Variants in COL4A6 observed in about 807,000 individuals in gnomAD.
The protein encoded by COL4A6 is collagen type IV alpha 6 chain, also known as collagen alpha-6(IV) chain.
COL4A6 carries 59 observed loss-of-function variants against 126.7 expected under a neutral mutation model. The observed-to-expected ratio is 0.47, with a 90% CI of 0.38 to 0.58. The LOEUF (loss-of-function observed/expected upper bound fraction) is 0.58. Among genes scored for constraint, COL4A6 ranks in the 20% least tolerant of loss-of-function variants. The pLI is 0.00. For synonymous variants in COL4A6, 547 were observed against 496.6 expected, an observed-to-expected ratio of 1.10 and a Z score of -1.35; for missense variants, 1,285 against 1,337.3, an observed-to-expected ratio of 0.96 and a Z score of 0.61.
chrX:108,243,085 G>T (rs986317482), intron 3 of COL4A6, among the ~76,000 whole-genome samples: 3 of 111,529 alleles, frequency 2.7e-5, no homozygotes, highest in African/African-American at 9.8e-5. Flanking sequence ...GAGGCTCAAG[G>T]TTCTGCTTTT....
At chrX:108,218,339 A>G (rs1253221654) in intron 5 of COL4A6, among the ~76,000 whole-genome samples, 3 of 112,548 alleles carry the variant, frequency 2.7e-5, no homozygotes, top group Non-Finnish European at 5.6e-5. Flanking sequence ...GGGGCATAGG[A>G]ACACAGCCAT....
intron 2 of COL4A6, among the ~76,000 whole-genome samples, chrX:108,400,055 C>T (rs1000286364): frequency 6.3e-5 from 7 of 111,311 alleles, no homozygotes; most frequent in African/African-American, 1.6e-4. Flanking sequence ...TTTTCTTTTC[C>T]GAAGGCCAGT....
chrX:108,281,041 C>A (rs1387341752), intron 3 of COL4A6, among the ~76,000 whole-genome samples: 3 of 103,538 alleles, frequency 2.9e-5, no homozygotes, highest in African/African-American at 7.1e-5. Context: ...CAATATCATA[C>A]TGAATGGGCA....
At position 108,178,559 on chromosome X, in the gene COL4A6, A is replaced by C. The variant is rs2034572187; in HGVS notation, c.2515+125T>G. ...CTTGAGATTTGAAACTTGAGAGCTTAGGAAAGTCAAGTCTCATTCTAAATT... is the reference window on the plus strand; with the variant it reads ...CTTGAGATTTGAAACTTGAGAGCTTCGGAAAGTCAAGTCTCATTCTAAATT... On this transcript the variant is annotated intron_variant, in intron 27 of 44. Coordinates refer to ENST00000334504, the MANE Select transcript of COL4A6 (RefSeq NM_033641.4). The C allele has an allele frequency of 5.9e-6, 4 of 673,827 alleles. No individual in the cohort carries two copies. The Admixed American group carries it at 1.5e-4, about 24-fold the overall frequency. The allele number at this position is 673,827 out of a possible 1,213,427, so 55.5% of individuals were successfully genotyped here. A position where few individuals can be genotyped will look rare whatever the true frequency, so the allele number is the denominator to read the frequency against.
At chrX:108,404,210 C>A (rs940736260) in intron 2 of COL4A6, among the ~76,000 whole-genome samples, 1 of 111,943 alleles carries the variant, frequency 8.9e-6, no homozygotes, top group African/African-American at 3.2e-5. Flanking sequence ...CAGACTAAGA[C>A]ATATTATTTT....
At chrX:108,277,558 G>A (rs1389372081) in intron 3 of COL4A6, among the ~76,000 whole-genome samples, 1 of 112,437 alleles carries the variant, frequency 8.9e-6, no homozygotes, top group Non-Finnish European at 1.9e-5. Context: ...ACCTCTGGGG[G>A]CAGGGCACAA....
chrX:108,371,319 A>T (rs2040318888), intron 2 of COL4A6, among the ~76,000 whole-genome samples: 1 of 110,490 alleles, frequency 9.1e-6, no homozygotes, highest in Non-Finnish European at 1.9e-5. Flanking sequence ...AGAAAATTCA[A>T]ACTGTACAAA....
rs199500867 is a variant in COL4A6, at chrX:108,169,524, G to A, written c.3662C>T (p.Pro1221Leu). 1.5e-5 allele frequency: 18 copies of A among 1,209,914 alleles called. No individual in the cohort carries two copies. In the African/African-American group the frequency reaches 2.3e-4, roughly 15 times the overall value. ...ATCACCTTTTTGCCCTCTCAGGCCC[G>A]GCTTCCCTGGAGCTCCGATGCCAAT... ...PGIGIGAPGK[P>L]GLRGQKGDRG... The change falls in exon 37 of 45, where the codon CCG becomes CTG. Residue 1221 changes from proline to leucine, a missense_variant. Coordinates refer to ENST00000334504, the MANE Select transcript of COL4A6 (RefSeq NM_033641.4).
chrX:108,351,943 A>G (rs1325725579), intron 2 of COL4A6, among the ~76,000 whole-genome samples: 1 of 112,212 alleles, frequency 8.9e-6, no homozygotes, highest in African/African-American at 3.2e-5. Context: ...CATTTCTGCC[A>G]GGGAACATAC....
chrX:108,308,358 C>T (rs914193273), intron 3 of COL4A6, among the ~76,000 whole-genome samples: 2 of 112,163 alleles, frequency 1.8e-5, no homozygotes, highest in African/African-American at 6.5e-5. Context: ...CCCAACCCAA[C>T]AAACAGCCCA....
At chrX:108,182,073 T>C (rs2034703176) in intron 23 of COL4A6, among the ~76,000 whole-genome samples, 1 of 112,466 alleles carries the variant, frequency 8.9e-6, no homozygotes, top group East Asian at 2.8e-4. Context: ...TTGAACAGTA[T>C]AATGTATTGG....
At chrX:108,309,889 T>C (rs1458243873) in intron 3 of COL4A6, among the ~76,000 whole-genome samples, 2 of 105,491 alleles carry the variant, frequency 1.9e-5, no homozygotes, top group East Asian at 6.1e-4. Context: ...AAATCCAAAA[T>C]GCTCCAATGA....
chrX:108,296,988 T>C (rs1176926346), intron 3 of COL4A6, among the ~76,000 whole-genome samples: 1 of 112,398 alleles, frequency 8.9e-6, no homozygotes, highest in Non-Finnish European at 1.9e-5. Flanking sequence ...ATTACCATTG[T>C]AATTAACAAT....
At chrX:108,429,988 G>A (rs1274530198) in intron 2 of COL4A6, among the ~76,000 whole-genome samples, 1 of 111,716 alleles carries the variant, frequency 9.0e-6, no homozygotes, top group Non-Finnish European at 1.9e-5. Flanking sequence ...CAGTATCCTG[G>A]ACATCCTAAG....
chrX:108,338,301 C>T (rs2039481248), intron 2 of COL4A6, among the ~76,000 whole-genome samples: 1 of 111,975 alleles, frequency 8.9e-6, no homozygotes, highest in African/African-American at 3.2e-5. Context: ...AAGACAGCTG[C>T]CCACATTTCG....
chrX:108,294,512 G>A (rs192876392), intron 3 of COL4A6, among the ~76,000 whole-genome samples: 1 of 109,063 alleles, frequency 9.2e-6, no homozygotes, highest in Admixed American at 9.9e-5. Context: ...AAGGAGAAAA[G>A]GGGAAGAAGT....
intron 2 of COL4A6, among the ~76,000 whole-genome samples, chrX:108,313,839 C>A (rs1225201717): frequency 8.9e-6 from 1 of 111,860 alleles, no homozygotes; most frequent in Non-Finnish European, 1.9e-5. Flanking sequence ...GCTGCTGACA[C>A]AGAATGACAC....
intron 2 of COL4A6, among the ~76,000 whole-genome samples, chrX:108,414,762 A>C (rs2041402962): frequency 9.0e-6 from 1 of 110,946 alleles, no homozygotes; most frequent in South Asian, 3.8e-4. Context: ...ACTGCACTCC[A>C]GCCTGGGCAA....
chrX:108,412,019 T>C (rs2041341798), intron 2 of COL4A6, among the ~76,000 whole-genome samples: 1 of 110,785 alleles, frequency 9.0e-6, no homozygotes, highest in Non-Finnish European at 1.9e-5. Context: ...AATAGGGATT[T>C]TCACAAAAGC....
Sources: gnomAD v4.1 joint callset for allele counts (sites outside exome capture counted in the v4.1 genomes callset) on GRCh38, gnomAD v4.1.1 for gene constraint, MANE v1.5 for transcripts, NCBI Gene and HGNC (gene_info 2026-07-23, HGNC 2026-07-21) for gene names.